The following AK5 variants were observed in gnomAD, a reference collection of about 807,000 sequenced individuals.
The protein encoded by AK5 is adenylate kinase isoenzyme 5.
AK5 carries 27 observed loss-of-function variants against 69.5 expected under a neutral mutation model. The ratio of observed to expected loss-of-function variants is 0.39; its 90% CI spans 0.29 to 0.54. The LOEUF (loss-of-function observed/expected upper bound fraction) is 0.54, where lower values mean the gene tolerates loss of function less well. AK5 is among the 20% of genes least tolerant of loss of function. The probability of loss-of-function intolerance (pLI) is 0.71; values close to 1 mark genes in which losing one functional copy is unlikely to be tolerated. For missense variants in AK5, 531 were observed against 700.4 expected (o/e 0.76, Z 2.73); for synonymous variants, 260 against 244.4 (o/e 1.06, Z -0.60).
intron 13 of AK5, 40 bp from the exon 14 acceptor site, chr1:77,558,562 A>ATAT (rs766520656): frequency 1.6e-6 from 2 of 1,248,450 alleles, no homozygotes; most frequent in Admixed American, 3.6e-5. Context: ...TGATTTACAG[A>ATAT]TATTTCAGAC....
At chr1:77,292,335 A>G (rs939292018) in intron 2 of AK5, among the ~76,000 whole-genome samples, 1 of 152,186 alleles carries the variant, frequency 6.6e-6, no homozygotes, top group Non-Finnish European at 1.5e-5. Context: ...CAGACTACCC[A>G]GTGCTTTTCA....
intron 6 of AK5, among the ~76,000 whole-genome samples, chr1:77,382,290 C>G (rs1272397550): frequency 6.8e-6 from 1 of 146,602 alleles, no homozygotes; most frequent in Admixed American, 7.0e-5. Context: ...AAAACTGGAG[C>G]AAATGATAGT....
At chr1:77,489,387 A>G (rs982857195) in intron 10 of AK5, among the ~76,000 whole-genome samples, 1 of 152,224 alleles carries the variant, frequency 6.6e-6, no homozygotes, top group Non-Finnish European at 1.5e-5. Context: ...GATACAAGGG[A>G]AAACGACTGC....
intron 6 of AK5, among the ~76,000 whole-genome samples, chr1:77,403,872 A>G (rs1273014532): frequency 2.0e-5 from 3 of 152,196 alleles, no homozygotes; most frequent in Non-Finnish European, 4.4e-5. Flanking sequence ...CATTGAATCT[A>G]TAAATTACCT....
chr1:77,417,802 A>G, intron 8 of AK5, 87 bp downstream of exon 8: 3 of 808,762 alleles, frequency 3.7e-6, no homozygotes, highest in Non-Finnish European at 5.9e-6. Flanking sequence ...AATTATAAAA[A>G]CTCATTTTGT....
At chr1:77,391,580 G>A (rs913914107) in intron 6 of AK5, among the ~76,000 whole-genome samples, 1 of 144,988 alleles carries the variant, frequency 6.9e-6, no homozygotes, top group Non-Finnish European at 1.5e-5. Flanking sequence ...TCAATTAATA[G>A]CTAATGGGTG....
At chr1:77,365,919 A>G (rs1409626057) in intron 6 of AK5, among the ~76,000 whole-genome samples, 1 of 152,188 alleles carries the variant, frequency 6.6e-6, no homozygotes, top group African/African-American at 2.4e-5. Flanking sequence ...CAAAAGCTAT[A>G]TAATTCATGT....
intron 6 of AK5, among the ~76,000 whole-genome samples, chr1:77,389,821 A>T (rs1408156521): frequency 6.6e-6 from 1 of 151,938 alleles, no homozygotes; most frequent in Non-Finnish European, 1.5e-5. Flanking sequence ...AATCAGCTGG[A>T]TGTGGTGGTG....
chr1:77,377,693 T>C lies in AK5; in HGVS notation c.892-33288T>C, dbSNP rs565479850. Among the ~76,000 whole-genome samples, 10 of 152,360 alleles carry C rather than the reference T, an allele frequency of 6.6e-5. No homozygotes were observed. The South Asian group carries it at 2.1e-3, about 32-fold the overall frequency. On this transcript the variant is annotated intron_variant, in intron 6 of 13. Coordinates refer to ENST00000354567, the MANE Select transcript of AK5 (RefSeq NM_174858.3). ...GATCTCTTAGCATGACACTTAGGGC[T>C]ACTCTATCATGTTATCTTCTGACTG...
chr1:77,437,118 A>G (rs1432349074), intron 8 of AK5, among the ~76,000 whole-genome samples: 16 of 152,158 alleles, frequency 1.1e-4, no homozygotes, highest in Admixed American at 1.0e-3. Flanking sequence ...AATTCTTAAG[A>G]CATTTCTGTT....
intron 8 of AK5, among the ~76,000 whole-genome samples, chr1:77,469,706 G>A (rs1033533589): frequency 2.0e-5 from 3 of 152,214 alleles, no homozygotes; most frequent in Non-Finnish European, 4.4e-5. Flanking sequence ...TGCTCCATAT[G>A]GTCCCTCATT....
At chr1:77,311,101 G>A (rs1659928826) in intron 5 of AK5, among the ~76,000 whole-genome samples, 2 of 151,856 alleles carry the variant, frequency 1.3e-5, no homozygotes, top group South Asian at 2.1e-4. Context: ...TTCTCTTTAC[G>A]GCACAGCTGA....
chr1:77,546,789 A>G (rs191618370), intron 13 of AK5, among the ~76,000 whole-genome samples: 2 of 152,328 alleles, frequency 1.3e-5, no homozygotes, highest in Admixed American at 1.3e-4. Flanking sequence ...CCATAATAGG[A>G]TCTACAGAAT....
intron 5 of AK5, among the ~76,000 whole-genome samples, chr1:77,309,839 G>T (rs533269396): frequency 1.3e-5 from 2 of 151,966 alleles, no homozygotes; most frequent in Non-Finnish European, 2.9e-5. Context: ...AAATCGATTT[G>T]GATGTTCTAG....
At chr1:77,480,484 A>C (rs548222049) in intron 8 of AK5, among the ~76,000 whole-genome samples, 5 of 152,332 alleles carry the variant, frequency 3.3e-5, no homozygotes, top group African/African-American at 1.2e-4. Context: ...AGTGGGATGC[A>C]CTGTTTCAGG....
At position 77,481,710 on chromosome 1, in the gene AK5, A is replaced by T. The variant is rs572264414; in HGVS notation, c.1060-1607A>T. Among the ~76,000 whole-genome samples the T allele has an allele frequency of 2.6e-5, 4 of 152,368 alleles. No individual in the cohort carries two copies. In the East Asian group the frequency reaches 7.7e-4, roughly 29 times the overall value. On this transcript the variant is annotated intron_variant, in intron 8 of 13. Coordinates refer to ENST00000354567, the MANE Select transcript of AK5 (RefSeq NM_174858.3). ...ACAAGCCAGAGGCTGTCCCTTCAAA[A>T]TGGTACAACCTCTGTGGGGAGCAGT...
chr1:77,542,843 G>A (rs888457611), intron 13 of AK5, among the ~76,000 whole-genome samples: 2 of 151,958 alleles, frequency 1.3e-5, no homozygotes, highest in Non-Finnish European at 2.9e-5. Flanking sequence ...AAACACCCCA[G>A]GCCATAGATG....
intron 8 of AK5, among the ~76,000 whole-genome samples, chr1:77,463,087 T>A (rs1653935239): frequency 1.3e-5 from 2 of 152,218 alleles, no homozygotes; most frequent in Admixed American, 1.3e-4. Flanking sequence ...AATGAACCAT[T>A]ACAAATAAAT....
chr1:77,468,853 AG>A (rs1005733028), intron 8 of AK5, among the ~76,000 whole-genome samples: 1 of 152,202 alleles, frequency 6.6e-6, no homozygotes, highest in Non-Finnish European at 1.5e-5. Context: ...TAAGACAAAC[AG>A]GAGCTATAAA....
Sources: gnomAD v4.1 joint callset for allele counts (sites outside exome capture counted in the v4.1 genomes callset) on GRCh38, gnomAD v4.1.1 for gene constraint, MANE v1.5 for transcripts, NCBI Gene and HGNC (gene_info 2026-07-23, HGNC 2026-07-21) for gene names.